CPTP: variants seen among roughly 807,000 people sequenced by gnomAD.
CPTP encodes GLTP domain-containing protein 1.
A neutral mutation model predicts 5.7 loss-of-function variants in CPTP; 5 were observed. The observed-to-expected ratio is 0.88, with a 90% CI of 0.46 to 1.86. The LOEUF (loss-of-function observed/expected upper bound fraction) is 1.86. Ranked by LOEUF, CPTP falls within the 40% of genes most tolerant of loss-of-function variation. The pLI, the probability that CPTP is intolerant of heterozygous loss-of-function variation, is 0.01. For missense variants in CPTP, 335 were observed against 306.5 expected (o/e 1.09, Z -0.69); for synonymous variants, 166 against 142.7 (o/e 1.16, Z -1.16).
chr1:1,324,923 T>C lies in CPTP; in HGVS notation c.-255T>C, dbSNP rs1479293647. On this transcript the variant is annotated 5_prime_UTR_variant, in exon 1 of 3. Transcript: ENST00000343938. ...CCGGGAGCGGGAGGGGACGTCGTCCTAGAGGGCCGGAGCGGGCGGGCGGCC... is the reference window on the plus strand; with the variant it reads ...CCGGGAGCGGGAGGGGACGTCGTCCCAGAGGGCCGGAGCGGGCGGGCGGCC... The C allele has an allele frequency of 6.0e-6, 2 of 334,570 alleles. No homozygotes were observed. The highest frequency in any genetic ancestry group is 2.2e-5 in the African/African-American group (1 of 45,494). 20.7% of individuals were successfully genotyped at this position (334,570 alleles called of 1,614,324 possible).
chr1:1,327,069 C>A (rs769477728), intron 2 of CPTP, 37 bp downstream of exon 2: 1 of 1,609,936 alleles, frequency 6.2e-7, no homozygotes, highest in Non-Finnish European at 8.5e-7. Flanking sequence ...GGTGGGCGCT[C>A]CCCTGGCCCG....
In CPTP at chr1:1,327,257, G is replaced by A. The variant is rs1439253012; in HGVS notation, c.139G>A (p.Gly47Ser). 5 of 1,597,590 alleles carry A rather than the reference G, an allele frequency of 3.1e-6. No homozygotes were observed. In the African/African-American group the frequency reaches 4.0e-5, roughly 13 times the overall value. The change falls in exon 3 of 3, where the codon GGC (glycine) becomes AGC (serine). Residue 47 changes from glycine (G) to serine (S), a missense_variant. By Grantham distance (56) the Gly-to-Ser change is moderately conservative. Coordinates refer to ENST00000343938, the MANE Select transcript of CPTP (RefSeq NM_001029885.2). ...CTTCCACAGGTTTCTGAACAGCCTGGGCACCATCTTCTCATTCATCTCCAA... is the reference window on the plus strand; with the variant it reads ...CTTCCACAGGTTTCTGAACAGCCTGAGCACCATCTTCTCATTCATCTCCAA... ...KGLVRFLNSL[G>S]TIFSFISKDV...
chr1:1,327,514 A>G lies in CPTP; in HGVS notation c.396A>G (p.Ala132=). The change falls in exon 3 of 3, where the codon GCA becomes GCG. Residue 132 remains alanine (A), a synonymous_variant. Coordinates refer to ENST00000343938, the MANE Select transcript of CPTP (RefSeq NM_001029885.2). ...GCCTGCGTACCAGCCCCGAGGACGC[A>G]CGCACCTCCGCGCTCTGCGCCGACT... ...LEGLRTSPED[A]RTSALCADSY... 1 of 1,578,160 alleles carries G rather than the reference A, an allele frequency of 6.3e-7. No individual in the cohort carries two copies. The highest frequency in any genetic ancestry group is 1.1e-5 in the South Asian group (1 of 88,178).
Position 1,326,900 on chromosome 1 carries a change from C to G in CPTP, c.-11C>G, listed in dbSNP as rs1458467213. The G allele has an allele frequency of 1.2e-6, 2 of 1,613,724 alleles. No individual in the cohort carries two copies. Among genetic ancestry groups the G allele is most frequent in the East Asian group, 4.5e-5 (2 of 44,888 alleles). Reference sequence around the variant, plus strand: ...CCCCCAGCCCTACTGTATTTCCGTTCCTATCAAAAAATGGATGACTCGGAG... The same window carrying G: ...CCCCCAGCCCTACTGTATTTCCGTTGCTATCAAAAAATGGATGACTCGGAG... On this transcript the variant is annotated 5_prime_UTR_variant, in exon 2 of 3. Coordinates refer to ENST00000343938, the MANE Select transcript of CPTP (RefSeq NM_001029885.2).
chr1:1,327,800 C>T lies in CPTP; in HGVS notation c.*37C>T. On this transcript the variant is annotated 3_prime_UTR_variant, in exon 3 of 3. Coordinates refer to ENST00000343938, the MANE Select transcript of CPTP (RefSeq NM_001029885.2). ...CAGGGCCGCACCGGCTTTCCTGCTG[C>T]AGATCTGGGCTGCGGTGGCCAGGGC... 1 of 1,602,754 alleles carries T rather than the reference C, an allele frequency of 6.2e-7. No homozygotes were observed. Among genetic ancestry groups the T allele is most frequent in the East Asian group, 2.2e-5 (1 of 44,874 alleles).
Position 1,327,347 on chromosome 1 carries a change from C to G in CPTP, c.229C>G (p.Arg77Gly). ...LRGGPQSEHY[R>G]SLQAMVAHEL... ...GGGCGGCCCGCAGAGCGAGCACTACCGCAGCCTGCAGGCCATGGTGGCCCA... is the reference window on the plus strand; with the variant it reads ...GGGCGGCCCGCAGAGCGAGCACTACGGCAGCCTGCAGGCCATGGTGGCCCA... The change falls in exon 3 of 3, where the codon CGC becomes GGC. Residue 77 changes from arginine to glycine, a missense_variant. Coordinates refer to ENST00000343938, the MANE Select transcript of CPTP (RefSeq NM_001029885.2). 6.3e-7 allele frequency: 1 copy of G among 1,598,652 alleles called. No homozygotes were observed. The highest frequency in any genetic ancestry group is 8.5e-7 in the Non-Finnish European group (1 of 1,179,350).
Position 1,327,917 on chromosome 1 carries a change from G to C in CPTP, c.*154G>C. The C allele has an allele frequency of 1.2e-6, 1 of 867,726 alleles. No homozygotes were observed. Among genetic ancestry groups the C allele is most frequent in the Non-Finnish European group, 1.7e-6 (1 of 572,632 alleles). The allele number at this position is 867,726 out of a possible 1,614,324, so 53.8% of individuals were successfully genotyped here. A position where few individuals can be genotyped will look rare whatever the true frequency, so the allele number is the denominator to read the frequency against. On this transcript the variant is annotated 3_prime_UTR_variant, in exon 3 of 3. Transcript: ENST00000343938. Reference sequence around the variant, plus strand: ...CTGAGCTGGTTAGGAACCACAGACTGTGACAGAGAAGGTGGCGACCAGCCC... The same window carrying C: ...CTGAGCTGGTTAGGAACCACAGACTCTGACAGAGAAGGTGGCGACCAGCCC...
rs1643324060 is a variant in CPTP, at chr1:1,327,103, C to T, written c.122+71C>T. 1.3e-5 allele frequency: 20 copies of T among 1,598,726 alleles called. No individual in the cohort carries two copies. In the Middle Eastern group the frequency reaches 5.3e-4, roughly 42 times the overall value. On this transcript the variant is annotated intron_variant, in intron 2 of 2. Transcript: ENST00000343938. ...CGAGTCCCATATGTGGCATCTGCCT[C>T]CCGACTGCCTGTCCCCACCAGCTTT...
chr1:1,326,694 T>G (rs1569619337), intron 1 of CPTP, 142 bp from the exon 2 acceptor site: 1 of 544,034 alleles, frequency 1.8e-6, no homozygotes. Context: ...TGATGAAGGG[T>G]GGGTCAGGGT....
At chr1:1,327,154 G>A in intron 2 of CPTP, 87 bp from the exon 3 acceptor site, 1 of 1,583,672 alleles carries the variant, frequency 6.3e-7, no homozygotes, top group African/African-American at 1.3e-5. Flanking sequence ...ATGGGTGTGA[G>A]CCCCCGCAGG....
At position 1,326,934 on chromosome 1, in the gene CPTP, C is replaced by T. The variant is rs1212261823; in HGVS notation, c.24C>T (p.Phe8=). The change falls in exon 2 of 3, where the codon TTC becomes TTT. Residue 8 remains phenylalanine, a synonymous_variant. Transcript: ENST00000343938. ...AAATGGATGACTCGGAGACAGGTTT[C>T]AATCTGAAAGTCGTCCTGGTCAGTT... The part of the protein sequence containing the change: MDDSETG[F]NLKVVLVSFK... 1.9e-6 allele frequency: 3 copies of T among 1,613,684 alleles called. No individual in the cohort carries two copies. Among genetic ancestry groups the T allele is most frequent in the Non-Finnish European group, 2.5e-6 (3 of 1,179,990 alleles).
chr1:1,325,304 G>A (rs1643270251), intron 1 of CPTP: 1 of 152,420 alleles, frequency 6.6e-6, no homozygotes, highest in African/African-American at 2.4e-5. Context: ...CACCTTCCTG[G>A]GCTGGCAAGC....
In CPTP at chr1:1,327,274, C is replaced by T. The variant is rs772470100; in HGVS notation, c.156C>T (p.Phe52=). Residue 52 remains phenylalanine, a synonymous_variant, in exon 3 of 3, where the codon TTC becomes TTT. Transcript: ENST00000343938. The part of the protein sequence containing the change: ...FLNSLGTIFS[F]ISKDVVSKLR... The stretch of plus-strand genomic sequence containing the variant: ...ACAGCCTGGGCACCATCTTCTCATT[C>T]ATCTCCAAGGACGTGGTCTCCAAGC... The T allele has an allele frequency of 1.9e-6, 3 of 1,597,992 alleles. No homozygotes were observed. Among genetic ancestry groups the T allele is most frequent in the Admixed American group, 1.7e-5 (1 of 59,704 alleles).
chr1:1,327,148 G>T, intron 2 of CPTP, 93 bp from the exon 3 acceptor site: 2 of 1,586,772 alleles, frequency 1.3e-6, no homozygotes, highest in Non-Finnish European at 8.5e-7. Flanking sequence ...TTCCAGATGG[G>T]TGTGAGCCCC....
At position 1,327,818 on chromosome 1, in the gene CPTP, G is replaced by A; in HGVS notation, c.*55G>A. ...CCTGCTGCAGATCTGGGCTGCGGTGGCCAGGGCCGTGAGTCCCGTGGCAGA... is the reference window on the plus strand; with the variant it reads ...CCTGCTGCAGATCTGGGCTGCGGTGACCAGGGCCGTGAGTCCCGTGGCAGA... On this transcript the variant is annotated 3_prime_UTR_variant, in exon 3 of 3. Coordinates refer to ENST00000343938, the MANE Select transcript of CPTP (RefSeq NM_001029885.2). The A allele has an allele frequency of 6.3e-7, 1 of 1,587,670 alleles. No homozygotes were observed. The highest frequency in any genetic ancestry group is 1.1e-5 in the South Asian group (1 of 90,508).
At chr1:1,325,950 G>T (rs944899817) in intron 1 of CPTP, among the ~76,000 whole-genome samples, 1 of 152,212 alleles carries the variant, frequency 6.6e-6, no homozygotes, top group Non-Finnish European at 1.5e-5. Context: ...TGACTCTCAG[G>T]TTCCCCAGAG....
Position 1,328,032 on chromosome 1 carries a change from C to G in CPTP, c.*269C>G, listed in dbSNP as rs1643349306. On this transcript the variant is annotated 3_prime_UTR_variant, in exon 3 of 3. Transcript: ENST00000343938. ...ACACGCGTGCGCAGCCAGGCCTCGCCAGGGTGCGGTGCAGAGCAGAGCAGG... is the reference window on the plus strand; with the variant it reads ...ACACGCGTGCGCAGCCAGGCCTCGCGAGGGTGCGGTGCAGAGCAGAGCAGG... 1 of 551,074 alleles carries G rather than the reference C, an allele frequency of 1.8e-6. No individual in the cohort carries two copies. Among genetic ancestry groups the G allele is most frequent in the African/African-American group, 1.9e-5 (1 of 52,708 alleles). 34.1% of individuals were successfully genotyped at this position (551,074 alleles called of 1,614,324 possible).
At position 1,328,814 on chromosome 1, in the gene CPTP, C is replaced by G. The variant is rs1276652088; in HGVS notation, c.*1051C>G. ...CGGCCCCCACGGCCCAGCAGACATG[C>G]GAGCTTCCAGAGTGCAATCTATGTG... On this transcript the variant is annotated 3_prime_UTR_variant, in exon 3 of 3. Coordinates refer to ENST00000343938, the MANE Select transcript of CPTP (RefSeq NM_001029885.2). 6.6e-6 allele frequency: 1 copy of G among 152,448 alleles called. No homozygotes were observed. Among genetic ancestry groups the G allele is most frequent in the Non-Finnish European group, 1.5e-5 (1 of 68,066 alleles). 9.4% of individuals were successfully genotyped at this position (152,448 alleles called of 1,614,324 possible).
chr1:1,327,988 G>A lies in CPTP; in HGVS notation c.*225G>A, dbSNP rs1164817491. ...GTCCGGAACAAGACGCCTCGGCCAC[G>A]GCTCCCCCTCGGCCTATTACACGCG... On this transcript the variant is annotated 3_prime_UTR_variant, in exon 3 of 3. Coordinates refer to ENST00000343938, the MANE Select transcript of CPTP (RefSeq NM_001029885.2). 3.8e-5 allele frequency: 23 copies of A among 600,598 alleles called. No homozygotes were observed. The highest frequency in any genetic ancestry group is 5.6e-5 in the African/African-American group (3 of 53,782). The allele number at this position is 600,598 out of a possible 1,614,324, so 37.2% of individuals were successfully genotyped here. A position where few individuals can be genotyped will look rare whatever the true frequency, so the allele number is the denominator to read the frequency against.
Sources: allele counts gnomAD v4.1 joint callset (sites outside exome capture counted in the v4.1 genomes callset), GRCh38; gene constraint gnomAD v4.1.1; transcripts MANE v1.5; gene names NCBI Gene and HGNC (gene_info 2026-07-23, HGNC 2026-07-21).